The following STARD13 variants were observed in gnomAD, a reference collection of about 807,000 sequenced individuals.
STARD13 encodes the protein stAR-related lipid transfer protein 13.
In STARD13, 62 loss-of-function variants were observed where a neutral mutation model predicts 106.4. The observed-to-expected ratio is 0.58, with a 90% CI of 0.48 to 0.72. STARD13 has a LOEUF of 0.72. STARD13 is among the 30% of genes least tolerant of loss of function. The pLI is 0.00. For missense variants in STARD13, 1,387 were observed against 1,424.0 expected, an observed-to-expected ratio of 0.97 and a Z score of 0.42; for synonymous variants, 565 against 553.0, an observed-to-expected ratio of 1.02 and a Z score of -0.31.
chr13:33,125,479 G>A (rs764342343), intron 7 of STARD13, among the ~76,000 whole-genome samples: 6 of 152,030 alleles, frequency 3.9e-5, no homozygotes, highest in Admixed American at 1.3e-4. Context: ...CAAAAGTCTC[G>A]GAGGCAGCAA....
In STARD13 at chr13:33,127,503, G is replaced by T; in HGVS notation, c.1792C>A (p.Pro598Thr). 1 of 1,579,674 alleles carries T rather than the reference G, an allele frequency of 6.3e-7. No homozygotes were observed. Residue 598 changes from proline to threonine, a missense_variant, in exon 6 of 14, where the codon CCG becomes ACG. Coordinates refer to ENST00000336934, the MANE Select transcript of STARD13 (RefSeq NM_178006.4). The stretch of plus-strand genomic sequence containing the variant: ...CTGATGTGGGGCGATGCTGGGGCCG[G>T]CCGGGGCTGGTGCGACAGCTGGAAA... ...NSFQLSHQPRPAPASPHISSQ... is the reference protein window; with the variant it reads ...NSFQLSHQPRTAPASPHISSQ...
the STARD13 span, among the ~76,000 whole-genome samples, chr13:33,469,920 TA>T: frequency 1.3e-5 from 2 of 152,140 alleles, no homozygotes; most frequent in Non-Finnish European, 2.9e-5. Context: ...TTAAATTTTT[TA>T]TTATACTTTA....
At chr13:33,420,983 T>C in the STARD13 span, among the ~76,000 whole-genome samples, 1 of 152,138 alleles carries the variant, frequency 6.6e-6, no homozygotes, top group Admixed American at 6.5e-5. Flanking sequence ...TAGCACTAAA[T>C]GCCCCAAGAG....
At chr13:33,443,073 G>A in the STARD13 span, among the ~76,000 whole-genome samples, 42 of 152,156 alleles carry the variant, frequency 2.8e-4, no homozygotes, top group African/African-American at 8.7e-4. Context: ...CCACTGAACT[G>A]TACACTTAAA....
chr13:33,628,917 G>C, the STARD13 span, among the ~76,000 whole-genome samples: 1 of 152,214 alleles, frequency 6.6e-6, no homozygotes, highest in Non-Finnish European at 1.5e-5. Flanking sequence ...ATGGTAGCGA[G>C]GGTTACATGA....
rs558993265 is a variant in STARD13 at position 33,154,462 on chromosome 13, G to A, written c.323+10875C>T. Among the ~76,000 whole-genome samples the A allele has an allele frequency of 2.6e-5, 4 of 152,298 alleles. No homozygotes were observed. The East Asian group carries it at 5.8e-4, about 22-fold the overall frequency. On this transcript the variant is annotated intron_variant, in intron 3 of 13. Coordinates refer to ENST00000336934, the MANE Select transcript of STARD13 (RefSeq NM_178006.4). Reference sequence around the variant, plus strand: ...GTATATGTATGCTGTCCAGGGACACGATATCTATGTGGAACTGTGTGAATT... The same window carrying A: ...GTATATGTATGCTGTCCAGGGACACAATATCTATGTGGAACTGTGTGAATT...
At chr13:33,221,090 T>A (rs1184537658) in intron 1 of STARD13, among the ~76,000 whole-genome samples, 1 of 152,084 alleles carries the variant, frequency 6.6e-6, no homozygotes, top group African/African-American at 2.4e-5. Flanking sequence ...TAAAAAAAAA[T>A]TGTGGTGAAA....
chr13:33,137,138 A>G (rs536317417), intron 4 of STARD13, among the ~76,000 whole-genome samples: 20 of 152,386 alleles, frequency 1.3e-4, no homozygotes, highest in African/African-American at 4.3e-4. Flanking sequence ...ATTTGTTAAA[A>G]TTAATATTTC....
intron 3 of STARD13, among the ~76,000 whole-genome samples, chr13:33,148,505 T>C (rs1197101997): frequency 1.3e-5 from 2 of 152,176 alleles, no homozygotes; most frequent in African/African-American, 2.4e-5. Flanking sequence ...CATTAGGGAA[T>C]TGCAAACTAA....
chr13:33,283,200 A>T (rs546748488), intron 1 of STARD13, among the ~76,000 whole-genome samples: 12 of 152,310 alleles, frequency 7.9e-5, no homozygotes, highest in African/African-American at 2.9e-4. Flanking sequence ...AATATAGTGT[A>T]TTGCTGTATC....
the STARD13 span, among the ~76,000 whole-genome samples, chr13:33,396,874 TC>T: frequency 6.6e-6 from 1 of 152,164 alleles, no homozygotes. Flanking sequence ...AGCCCTATAA[TC>T]ACCCCCAGCT....
At chr13:33,153,421 G>A (rs1393281312) in intron 3 of STARD13, among the ~76,000 whole-genome samples, 1 of 152,178 alleles carries the variant, frequency 6.6e-6, no homozygotes, top group Non-Finnish European at 1.5e-5. Flanking sequence ...ATGGCCAGGA[G>A]TGCAGGAACG....
chr13:33,374,817 GT>G, the STARD13 span, among the ~76,000 whole-genome samples: 1 of 152,134 alleles, frequency 6.6e-6, no homozygotes, highest in African/African-American at 2.4e-5. Context: ...GTAGAGCAGT[GT>G]TTGTCAAACT....
At chr13:33,411,491 G>A in the STARD13 span, among the ~76,000 whole-genome samples, 1 of 151,932 alleles carries the variant, frequency 6.6e-6, no homozygotes, top group Non-Finnish European at 1.5e-5. Flanking sequence ...CAGGCAGGCT[G>A]CTCTGTGGGC....
chr13:33,384,610 T>C, the STARD13 span, among the ~76,000 whole-genome samples: 1 of 152,208 alleles, frequency 6.6e-6, no homozygotes, highest in Non-Finnish European at 1.5e-5. Context: ...AAATAGAATA[T>C]ACTAATTTGA....
intron 1 of STARD13, among the ~76,000 whole-genome samples, chr13:33,282,920 C>T (rs1233115954): frequency 1.3e-5 from 2 of 152,020 alleles, no homozygotes; most frequent in East Asian, 3.9e-4. Context: ...GTCTCAGCTA[C>T]TGAGGAGGCT....
chr13:33,568,028 ATT>A, the STARD13 span, among the ~76,000 whole-genome samples: 5 of 146,464 alleles, frequency 3.4e-5, no homozygotes, highest in East Asian at 2.1e-4. Flanking sequence ...GTATTTAGGG[ATT>A]TTTTTTTCTA....
the STARD13 span, among the ~76,000 whole-genome samples, chr13:33,612,961 T>G: frequency 2.6e-5 from 4 of 152,322 alleles, no homozygotes; most frequent in Non-Finnish European, 4.4e-5. Flanking sequence ...CCTCTTTAGA[T>G]CTGAAAGAAC....
chr13:33,298,091 T>C (rs1057163423), intron 1 of STARD13, among the ~76,000 whole-genome samples: 6 of 151,270 alleles, frequency 4.0e-5, no homozygotes, highest in African/African-American at 1.5e-4. Context: ...CTTGTGTCTC[T>C]ATGTCTAGTC....
Sources: gnomAD v4.1 joint callset for allele counts (sites outside exome capture counted in the v4.1 genomes callset) on GRCh38, gnomAD v4.1.1 for gene constraint, MANE v1.5 for transcripts, NCBI Gene and HGNC (gene_info 2026-07-23, HGNC 2026-07-21) for gene names.